MDFIC: variants seen among roughly 807,000 people sequenced by gnomAD.
MDFIC encodes the protein MyoD family inhibitor domain containing.
Under a neutral mutation model 23.2 loss-of-function variants are expected in MDFIC, and 17 were observed. The observed-to-expected ratio is 0.73, with a 90% confidence interval of 0.50 to 1.10. The LOEUF is 1.10. Ranked by LOEUF, MDFIC falls within the 50% of genes least tolerant of loss-of-function variation. The pLI is 0.00. For synonymous variants in MDFIC, 120 were observed against 115.2 expected (o/e 1.04, Z -0.27); for missense variants, 356 against 316.6 (o/e 1.12, Z -0.95).
At chr7:114,974,515 A>G (rs1274495577) in intron 3 of MDFIC, among the ~76,000 whole-genome samples, 2 of 152,132 alleles carry the variant, frequency 1.3e-5, no homozygotes, top group Non-Finnish European at 2.9e-5. Context: ...TTTTATGTGT[A>G]CAACAACCAT....
chr7:114,983,103 A>G (rs533994732), intron 4 of MDFIC, among the ~76,000 whole-genome samples: 1 of 152,194 alleles, frequency 6.6e-6, no homozygotes, highest in Non-Finnish European at 1.5e-5. Context: ...TCTCAGTTTT[A>G]TGACTGTTCT....
intron 3 of MDFIC, among the ~76,000 whole-genome samples, chr7:114,950,833 G>T (rs888254011): frequency 6.6e-6 from 1 of 152,136 alleles, no homozygotes; most frequent in Non-Finnish European, 1.5e-5. Context: ...GTAAAGCTGG[G>T]TTTTTATCAA....
intron 3 of MDFIC, among the ~76,000 whole-genome samples, chr7:114,965,658 G>A (rs1055502981): frequency 2.6e-5 from 4 of 152,122 alleles, no homozygotes; most frequent in African/African-American, 9.7e-5. Context: ...GAGCAGGGAC[G>A]GGCCAGTTTT....
At chr7:115,010,825 C>T (rs947993661) in intron 4 of MDFIC, among the ~76,000 whole-genome samples, 1 of 152,146 alleles carries the variant, frequency 6.6e-6, no homozygotes, top group Non-Finnish European at 1.5e-5. Context: ...CATCTCCTTC[C>T]ACACTGCCTT....
chr7:114,931,214 A>G lies in MDFIC; in HGVS notation c.94+8087A>G, dbSNP rs565281527. Among the ~76,000 whole-genome samples the G allele has an allele frequency of 5.9e-5, 9 of 152,354 alleles. No homozygotes were observed. The East Asian group carries it at 1.7e-3, about 29-fold the overall frequency. ...TTTTTGAAGTCTAGTTATATTTTATAGATTCTTCTTCTAATCACTTAGGGT... is the reference window on the plus strand; with the variant it reads ...TTTTTGAAGTCTAGTTATATTTTATGGATTCTTCTTCTAATCACTTAGGGT... On this transcript the variant is annotated intron_variant, in intron 2 of 4. Transcript: ENST00000393486.
intron 2 of MDFIC, among the ~76,000 whole-genome samples, chr7:114,934,641 G>T (rs972122065): frequency 2.0e-5 from 3 of 152,074 alleles, no homozygotes; most frequent in Non-Finnish European, 4.4e-5. Context: ...TTTAGATCTT[G>T]CTCAGAAGTC....
chr7:114,925,431 G>A (rs1792170722), intron 2 of MDFIC, among the ~76,000 whole-genome samples: 1 of 152,148 alleles, frequency 6.6e-6, no homozygotes, highest in African/African-American at 2.4e-5. Context: ...GAATTAGAAA[G>A]GTTGTCCATA....
Position 115,017,116 on chromosome 7 carries a change from T to A in MDFIC, c.*1181T>A, listed in dbSNP as rs1386976654. The A allele has an allele frequency of 6.6e-6, 1 of 152,250 alleles. No individual in the cohort carries two copies. The highest frequency in any genetic ancestry group is 2.4e-5 in the African/African-American group (1 of 41,476). The allele number at this position is 152,250 out of a possible 1,614,324, so 9.4% of individuals were successfully genotyped here. On this transcript the variant is annotated 3_prime_UTR_variant, in exon 5 of 5. Transcript: ENST00000393486. ...AGATTTAGGTGGACACCCTAAACTGTGTGTGCCTTTAACCAGTTAAAAGAA... is the reference window on the plus strand; with the variant it reads ...AGATTTAGGTGGACACCCTAAACTGAGTGTGCCTTTAACCAGTTAAAAGAA...
intron 3 of MDFIC, among the ~76,000 whole-genome samples, chr7:114,966,405 CAAAA>C (rs61377366): frequency 1.6e-5 from 2 of 121,302 alleles, no homozygotes; most frequent in Non-Finnish European, 1.7e-5. Flanking sequence ...GTCAGGAAAC[CAAAA>C]AAAAAAAAAA....
chr7:114,956,396 T>C (rs1484283011), intron 3 of MDFIC, among the ~76,000 whole-genome samples: 7 of 150,920 alleles, frequency 4.6e-5, no homozygotes, highest in African/African-American at 1.5e-4. Context: ...TATACACACA[T>C]ATATATATAT....
intron 4 of MDFIC, among the ~76,000 whole-genome samples, chr7:114,992,669 T>C (rs1228576123): frequency 5.3e-5 from 8 of 152,224 alleles, no homozygotes; most frequent in Non-Finnish European, 1.2e-4. Flanking sequence ...TTGTGTATGT[T>C]GAACCAGCCT....
chr7:114,985,563 G>T (rs1209683265), intron 4 of MDFIC, among the ~76,000 whole-genome samples: 1 of 151,648 alleles, frequency 6.6e-6, no homozygotes, highest in Non-Finnish European at 1.5e-5. Flanking sequence ...GGGGTTTGTT[G>T]TACAGATTAT....
At chr7:114,932,352 G>A (rs1792326556) in intron 2 of MDFIC, among the ~76,000 whole-genome samples, 1 of 152,158 alleles carries the variant, frequency 6.6e-6, no homozygotes, top group Non-Finnish European at 1.5e-5. Context: ...AAATTGGGGA[G>A]TTGTTACTAG....
chr7:114,979,867 A>G (rs771998288), intron 4 of MDFIC, 86 bp downstream of exon 4: 2 of 1,467,318 alleles, frequency 1.4e-6, no homozygotes, highest in South Asian at 1.2e-5. Flanking sequence ...TATATAATTG[A>G]AGAATCTTGC....
At chr7:115,003,602 T>C (rs552892738) in intron 4 of MDFIC, among the ~76,000 whole-genome samples, 1 of 152,332 alleles carries the variant, frequency 6.6e-6, no homozygotes, top group East Asian at 1.9e-4. Flanking sequence ...ATGTCGTTCC[T>C]GCTTCCTCAT....
At chr7:114,922,678 C>T in intron 1 of MDFIC, 42 bp downstream of exon 1, 1 of 1,339,810 alleles carries the variant, frequency 7.5e-7, no homozygotes, top group Non-Finnish European at 9.6e-7. Context: ...GGGGTTTGAT[C>T]CCCATCCCCG....
chr7:114,952,843 G>A (rs926640086), intron 3 of MDFIC, among the ~76,000 whole-genome samples: 2 of 152,144 alleles, frequency 1.3e-5, no homozygotes, highest in African/African-American at 4.8e-5. Context: ...TATCATTTAT[G>A]TGTAGGCCTG....
chr7:114,956,956 G>A (rs1792896181), intron 3 of MDFIC, among the ~76,000 whole-genome samples: 1 of 152,136 alleles, frequency 6.6e-6, no homozygotes, highest in East Asian at 1.9e-4. Context: ...GATAGGGTGT[G>A]TTTTGGCTCC....
At chr7:115,011,609 C>T (rs1043068760) in intron 4 of MDFIC, among the ~76,000 whole-genome samples, 3 of 152,188 alleles carry the variant, frequency 2.0e-5, no homozygotes, top group Admixed American at 6.5e-5. Context: ...GATATTTTAA[C>T]AGGCAAATTA....
Sources: allele counts gnomAD v4.1 joint callset (sites outside exome capture counted in the v4.1 genomes callset), GRCh38; gene constraint gnomAD v4.1.1; transcripts MANE v1.5; gene names NCBI Gene and HGNC (gene_info 2026-07-23, HGNC 2026-07-21).